The following CLCN6 variants were observed in gnomAD, a reference collection of about 807,000 sequenced individuals.
CLCN6 encodes Cl-/H+ antiporter 6, also known as H(+)/Cl(-) exchange transporter 6.
In CLCN6, 70 loss-of-function variants were observed where a neutral mutation model predicts 109.8. That is an observed-to-expected ratio of 0.64 (90% CI 0.53 to 0.78). CLCN6 has a LOEUF of 0.78. CLCN6 is among the 30% of genes least tolerant of loss of function. The pLI is 0.00. For synonymous variants in CLCN6, 444 were observed against 447.8 expected, an observed-to-expected ratio of 0.99 and a Z score of 0.11; for missense variants, 984 against 1,142.3, an observed-to-expected ratio of 0.86 and a Z score of 2.00.
At chr1:11,809,329 A>G (rs1178458887) in intron 2 of CLCN6, among the ~76,000 whole-genome samples, 1 of 151,972 alleles carries the variant, frequency 6.6e-6, no homozygotes, top group East Asian at 1.9e-4. Context: ...CCTTCATCCT[A>G]CTTCTAGGAG....
chr1:11,823,760 A>G lies in CLCN6; in HGVS notation c.507A>G (p.Val169=), dbSNP rs1208790291. The G allele has an allele frequency of 2.5e-6, 4 of 1,614,268 alleles. No individual in the cohort carries two copies. In the South Asian group the frequency reaches 4.4e-5, roughly 18 times the overall value. The part of the protein sequence containing the change: ...IPEVKCYLNG[V]KVPGIVRLRT... ...AGGTCAAATGCTATCTGAATGGCGT[A>G]AAGGTGCCAGGAATCGTCCGTCTCC... The change falls in exon 7 of 23, where the codon GTA becomes GTG. Residue 169 remains valine (V), a synonymous_variant. Coordinates refer to ENST00000346436, the MANE Select transcript of CLCN6 (RefSeq NM_001286.5).
rs192222703 is a variant in CLCN6 at position 11,828,594 on chromosome 1, G to A, written c.1091G>A (p.Arg364Gln). The A allele has an allele frequency of 1.9e-5, 30 of 1,613,008 alleles. No homozygotes were observed. The highest frequency in any genetic ancestry group is 4.5e-5 in the East Asian group (2 of 44,880). The change falls in exon 12 of 23, where the codon CGA becomes CAA. Residue 364 changes from arginine (R) to glutamine (Q), a missense_variant. Physicochemically the swap from Arg to Gln is conservative, Grantham distance 43. Coordinates refer to ENST00000346436, the MANE Select transcript of CLCN6 (RefSeq NM_001286.5). ...LNKRLAKYRM[R>Q]NVHPKPKLVR... is the part of the protein sequence containing the mutation. The stretch of plus-strand genomic sequence containing the variant: ...AAGAGGCTTGCAAAGTACCGTATGC[G>A]AAACGTGCACCCGAAACCTAAGCTC...
At chr1:11,835,126 A>G (rs766298546) in intron 17 of CLCN6, among the ~76,000 whole-genome samples, 7 of 152,212 alleles carry the variant, frequency 4.6e-5, no homozygotes, top group South Asian at 2.1e-4. Context: ...TTTATTTTCA[A>G]CTTTCCGGGC....
intron 5 of CLCN6, among the ~76,000 whole-genome samples, chr1:11,821,072 C>T (rs1644734900): frequency 7.7e-6 from 1 of 129,626 alleles, no homozygotes; most frequent in Admixed American, 7.6e-5. Flanking sequence ...GCAAAACTGT[C>T]TCAAAAAACA....
At position 11,828,227 on chromosome 1, in the gene CLCN6, T is replaced by G. The variant is rs540067231; in HGVS notation, c.954+8T>G. ...AACTTTGGCGAGTTTAAGGTATGTTTTGTCCTTTCCCCAAGGATTTTTAAT... is the reference window on the plus strand; with the variant it reads ...AACTTTGGCGAGTTTAAGGTATGTTGTGTCCTTTCCCCAAGGATTTTTAAT... On this transcript the variant is annotated splice_region_variant and intron_variant, in intron 11 of 22. Transcript: ENST00000346436. 7.2e-5 allele frequency: 116 copies of G among 1,607,496 alleles called. No homozygotes were observed. The South Asian group carries it at 1.3e-3, about 18-fold the overall frequency.
In CLCN6 at chr1:11,841,638, C is replaced by T. The variant is rs907430456; in HGVS notation, c.*1415C>T. 1.3e-5 allele frequency: 2 copies of T among 152,242 alleles called. No individual in the cohort carries two copies. The highest frequency in any genetic ancestry group is 4.8e-5 in the African/African-American group (2 of 41,452). 9.4% of individuals were successfully genotyped at this position (152,242 alleles called of 1,614,324 possible). A position where few individuals can be genotyped will look rare whatever the true frequency, so the allele number is the denominator to read the frequency against. ...CGTGGAGGTTGCCCACGGGCCTCGGCACCTGGCCCTGGCAGCACAGCTCTC... is the reference window on the plus strand; with the variant it reads ...CGTGGAGGTTGCCCACGGGCCTCGGTACCTGGCCCTGGCAGCACAGCTCTC... On this transcript the variant is annotated 3_prime_UTR_variant, in exon 23 of 23. Coordinates refer to ENST00000346436, the MANE Select transcript of CLCN6 (RefSeq NM_001286.5).
chr1:11,842,911 G>A lies in CLCN6; in HGVS notation c.*2688G>A, dbSNP rs1458455037. 1 of 152,288 alleles carries A rather than the reference G, an allele frequency of 6.6e-6. No homozygotes were observed. Among genetic ancestry groups the A allele is most frequent in the Non-Finnish European group, 1.5e-5 (1 of 68,066 alleles). The allele number at this position is 152,288 out of a possible 1,614,324, so 9.4% of individuals were successfully genotyped here. A position where few individuals can be genotyped will look rare whatever the true frequency, so the allele number is the denominator to read the frequency against. On this transcript the variant is annotated 3_prime_UTR_variant, in exon 23 of 23. Coordinates refer to ENST00000346436, the MANE Select transcript of CLCN6 (RefSeq NM_001286.5). ...GCCTCGCCAGCCCTGCAGTATTGAT[G>A]TGCAGTATTGCACCACAGCTCTGCG... is the stretch of plus-strand genomic sequence containing the variant.
At chr1:11,835,877 G>A in intron 17 of CLCN6, 90 bp from the exon 18 acceptor site, 1 of 1,206,932 alleles carries the variant, frequency 8.3e-7, no homozygotes, top group South Asian at 1.5e-5. Context: ...CCCGCCCGTG[G>A]TCTGAGCAGG....
At chr1:11,815,016 G>A (rs1383505721) in intron 2 of CLCN6, among the ~76,000 whole-genome samples, 1 of 138,812 alleles carries the variant, frequency 7.2e-6, no homozygotes, top group Non-Finnish European at 1.5e-5. Flanking sequence ...CTGGGCGACA[G>A]AGCGAGACTC....
At position 11,820,570 on chromosome 1, in the gene CLCN6, T is replaced by C. The variant is rs1269018621; in HGVS notation, c.346+1016T>C. Reference sequence around the variant, plus strand: ...TCACAAGGTCAGGAGATTGAGACCATCCTGGCTAACACGGTGAAACCCCGT... The same window carrying C: ...TCACAAGGTCAGGAGATTGAGACCACCCTGGCTAACACGGTGAAACCCCGT... On this transcript the variant is annotated intron_variant, in intron 5 of 22. Coordinates refer to ENST00000346436, the MANE Select transcript of CLCN6 (RefSeq NM_001286.5). The C allele has an allele frequency of 1.0e-5, 5 of 500,472 alleles. No homozygotes were observed. In the South Asian group the frequency reaches 1.0e-4, roughly 10 times the overall value. 31.0% of individuals were successfully genotyped at this position (500,472 alleles called of 1,614,324 possible).
intron 2 of CLCN6, among the ~76,000 whole-genome samples, chr1:11,813,643 G>A (rs1450035275): frequency 6.6e-6 from 1 of 152,052 alleles, no homozygotes; most frequent in East Asian, 1.9e-4. Flanking sequence ...CACCTATCTC[G>A]GCCTCCCAAA....
At chr1:11,814,803 AG>A (rs1466784901) in intron 2 of CLCN6, among the ~76,000 whole-genome samples, 2 of 151,786 alleles carry the variant, frequency 1.3e-5, no homozygotes, top group Admixed American at 1.3e-4. Context: ...GAGGCTGAGG[AG>A]GGCGGATCAC....
At chr1:11,833,704 C>G (rs1016735800) in intron 14 of CLCN6, 66 bp downstream of exon 14, 3 of 1,602,842 alleles carry the variant, frequency 1.9e-6, no homozygotes, top group Non-Finnish European at 2.6e-6. Context: ...CCAGGCTTGC[C>G]CTTCATTCCA....
chr1:11,820,502 C>G (rs1644727238), intron 5 of CLCN6: 1 of 626,730 alleles, frequency 1.6e-6, no homozygotes, highest in Non-Finnish European at 3.0e-6. Flanking sequence ...CACAGTGGCT[C>G]ACGCCTGTAA....
rs1645039882 is a variant in CLCN6 at position 11,842,658 on chromosome 1, TC to T, written c.*2437del. 1 of 152,570 alleles carries T rather than the reference TC, an allele frequency of 6.6e-6. No individual in the cohort carries two copies. The highest frequency in any genetic ancestry group is 1.5e-5 in the Non-Finnish European group (1 of 68,092). 9.5% of individuals were successfully genotyped at this position (152,570 alleles called of 1,614,324 possible). ...TTGTGTTTCATCTCCAGCTTGGTGT[TC>T]CATGGCCCCTAGGCGAGGTGATCAG... On this transcript the variant is annotated 3_prime_UTR_variant, in exon 23 of 23. Coordinates refer to ENST00000346436, the MANE Select transcript of CLCN6 (RefSeq NM_001286.5).
intron 13 of CLCN6, among the ~76,000 whole-genome samples, chr1:11,830,933 A>G (rs1373265052): frequency 2.0e-5 from 3 of 151,802 alleles, no homozygotes; most frequent in Non-Finnish European, 2.9e-5. Flanking sequence ...TCCCAAGTTC[A>G]AGTGATTCTC....
Position 11,825,344 on chromosome 1 carries a change from G to A in CLCN6, c.648+791G>A, listed in dbSNP as rs559055904. Among the ~76,000 whole-genome samples, 3 of 152,358 alleles carry A rather than the reference G, an allele frequency of 2.0e-5. No homozygotes were observed. In the South Asian group the frequency reaches 6.2e-4, roughly 32 times the overall value. Reference sequence around the variant, plus strand: ...CAGATCTGGCAGAAGTGAGCCAAGGGGTGGAAGGCCAGGCGTGGAGTGGGC... The same window carrying A: ...CAGATCTGGCAGAAGTGAGCCAAGGAGTGGAAGGCCAGGCGTGGAGTGGGC... On this transcript the variant is annotated intron_variant, in intron 8 of 22. Coordinates refer to ENST00000346436, the MANE Select transcript of CLCN6 (RefSeq NM_001286.5).
chr1:11,815,447 G>A (rs896908043), intron 2 of CLCN6, among the ~76,000 whole-genome samples: 1 of 152,198 alleles, frequency 6.6e-6, no homozygotes, highest in Non-Finnish European at 1.5e-5. Flanking sequence ...CCAGGCTGGA[G>A]TGCAGTGGTG....
At chr1:11,828,020 G>C in intron 10 of CLCN6, 86 bp from the exon 11 acceptor site, 11 of 972,492 alleles carry the variant, frequency 1.1e-5, no homozygotes, top group Non-Finnish European at 1.8e-5. Flanking sequence ...TCTCTGCGTA[G>C]AGCAGTGGGT....
Sources: allele counts gnomAD v4.1 joint callset (sites outside exome capture counted in the v4.1 genomes callset), GRCh38; gene constraint gnomAD v4.1.1; transcripts MANE v1.5; gene names NCBI Gene and HGNC (gene_info 2026-07-23, HGNC 2026-07-21).